Variants in MDGA2 observed in about 807,000 individuals in gnomAD.
MDGA2 encodes MAM domain-containing glycosylphosphatidylinositol anchor protein 2.
In MDGA2, 40 loss-of-function variants were observed where a neutral mutation model predicts 117.8. The observed-to-expected ratio is 0.34, with a 90% CI of 0.26 to 0.44. MDGA2 has a LOEUF of 0.44. Among genes scored for constraint, MDGA2 ranks in the 20% least tolerant of loss-of-function variants. The pLI, the probability that MDGA2 is intolerant of heterozygous loss-of-function variation, is 1.00. For missense variants in MDGA2, 1,123 were observed against 1,250.6 expected, an observed-to-expected ratio of 0.90 and a Z score of 1.54; for synonymous variants, 452 against 439.0, an observed-to-expected ratio of 1.03 and a Z score of -0.37.
chr14:47,074,501 C>T (rs1360486293), intron 6 of MDGA2, among the ~76,000 whole-genome samples: 3 of 152,102 alleles, frequency 2.0e-5, no homozygotes, highest in Admixed American at 6.5e-5. Context: ...GGGGTTTCAC[C>T]GTGTTAGCCA....
chr14:47,429,277 G>GATAT (rs35471496), intron 1 of MDGA2, among the ~76,000 whole-genome samples: 40,839 of 149,326 alleles, frequency 0.27, 5,886 homozygotes, highest in Middle Eastern at 0.42. Context: ...CAAATATGAA[G>GATAT]ATATATATAT....
At chr14:47,342,094 G>T (rs961576485) in intron 1 of MDGA2, among the ~76,000 whole-genome samples, 1 of 151,586 alleles carries the variant, frequency 6.6e-6, no homozygotes, top group East Asian at 1.9e-4. Context: ...CAAGGGATCC[G>T]CCTGCCTCAT....
At chr14:47,640,227 A>G (rs1897398949) in intron 1 of MDGA2, among the ~76,000 whole-genome samples, 2 of 152,156 alleles carry the variant, frequency 1.3e-5, no homozygotes, top group African/African-American at 4.8e-5. Flanking sequence ...TCTTGAGTCA[A>G]GGATTTGAGA....
chr14:47,662,064 T>C (rs1161771434), intron 1 of MDGA2, among the ~76,000 whole-genome samples: 1 of 152,084 alleles, frequency 6.6e-6, no homozygotes, highest in Non-Finnish European at 1.5e-5. Context: ...AAGGTAATTT[T>C]GTAAACCCAT....
intron 2 of MDGA2, among the ~76,000 whole-genome samples, chr14:47,221,782 G>A (rs1424160644): frequency 1.3e-5 from 2 of 150,956 alleles, no homozygotes; most frequent in Non-Finnish European, 3.0e-5. Context: ...AAAGAAAAAT[G>A]TATAATTTAA....
In MDGA2 at chr14:46,855,798, A is replaced by G. The variant is rs1205729557; in HGVS notation, c.2753-644T>C. On this transcript the variant is annotated intron_variant, in intron 14 of 16. Transcript: ENST00000399232. The surrounding 1 kb of genome is among the most constrained non-coding windows in gnomAD (Gnocchi z 4.1). The stretch of plus-strand genomic sequence containing the variant: ...AAATTAACATAGCATGTAATCATGT[A>G]CTGAATAACTTGCTCAGAGTTGGAC... Among the ~76,000 whole-genome samples the G allele has an allele frequency of 6.6e-6, 1 of 152,156 alleles. No homozygotes were observed. Among genetic ancestry groups the G allele is most frequent in the Non-Finnish European group, 1.5e-5 (1 of 68,018 alleles).
intron 1 of MDGA2, among the ~76,000 whole-genome samples, chr14:47,627,675 G>C (rs1486527050): frequency 6.6e-6 from 1 of 152,146 alleles, no homozygotes; most frequent in Non-Finnish European, 1.5e-5. Context: ...GATGTGGGTA[G>C]GGCCGGATAA....
At chr14:47,232,130 T>C (rs150182658) in intron 2 of MDGA2, among the ~76,000 whole-genome samples, 1 of 152,170 alleles carries the variant, frequency 6.6e-6, no homozygotes, top group Non-Finnish European at 1.5e-5. Context: ...GCTCTAAGCT[T>C]GCAGACAGAG....
At chr14:46,949,071 A>C (rs140827987) in intron 9 of MDGA2, among the ~76,000 whole-genome samples, 5 of 152,174 alleles carry the variant, frequency 3.3e-5, no homozygotes, top group African/African-American at 1.2e-4. Context: ...CAAACTGATT[A>C]GCTTATTTGA....
At chr14:47,610,369 A>T (rs1203876322) in intron 1 of MDGA2, among the ~76,000 whole-genome samples, 1 of 152,096 alleles carries the variant, frequency 6.6e-6, no homozygotes, top group African/African-American at 2.4e-5. Context: ...AGAGGAAGTC[A>T]AACTGTCACA....
Position 46,841,733 on chromosome 14 carries a change from T to A in MDGA2, c.*198A>T, listed in dbSNP as rs536632969. The A allele has an allele frequency of 4.0e-4, 161 of 397,848 alleles. No homozygotes were observed. The highest frequency in any genetic ancestry group is 6.4e-4 in the Non-Finnish European group (141 of 221,930). 24.6% of individuals were successfully genotyped at this position (397,848 alleles called of 1,614,324 possible). ...ACTCAGGTCAAGATTATCTTTTATG[T>A]TTAGTCTGGAATAAGTTATACTTCC... On this transcript the variant is annotated 3_prime_UTR_variant, in exon 17 of 17. Transcript: ENST00000399232.
intron 6 of MDGA2, among the ~76,000 whole-genome samples, chr14:47,069,976 T>C (rs920052012): frequency 2.0e-5 from 3 of 152,190 alleles, no homozygotes; most frequent in African/African-American, 7.2e-5. Context: ...ATTCCCCCTA[T>C]TTTAACTAAA....
intron 7 of MDGA2, among the ~76,000 whole-genome samples, chr14:47,052,593 C>G (rs1166235358): frequency 6.6e-6 from 1 of 151,784 alleles, no homozygotes; most frequent in Non-Finnish European, 1.5e-5. Flanking sequence ...AGAATACTCT[C>G]CATTTTTATA....
At chr14:47,097,694 T>C (rs8004939) in intron 5 of MDGA2, among the ~76,000 whole-genome samples, 16,973 of 151,982 alleles carry the variant, frequency 0.11, 1,090 homozygotes, top group Admixed American at 0.11. Context: ...TAATGCAGTG[T>C]CCATACTTCA....
At chr14:47,052,553 A>G (rs1889495425) in intron 7 of MDGA2, among the ~76,000 whole-genome samples, 1 of 151,912 alleles carries the variant, frequency 6.6e-6, no homozygotes, top group South Asian at 2.1e-4. Context: ...AAACATGTTT[A>G]ATGTTTACTG....
intron 9 of MDGA2, among the ~76,000 whole-genome samples, chr14:46,947,436 C>T (rs1025326060): frequency 6.6e-6 from 1 of 152,022 alleles, no homozygotes; most frequent in Non-Finnish European, 1.5e-5. Context: ...GCTGTCACTC[C>T]ATGAGCCACA....
chr14:47,504,969 A>AT (rs1274751793), intron 1 of MDGA2, among the ~76,000 whole-genome samples: 2 of 152,182 alleles, frequency 1.3e-5, no homozygotes, highest in East Asian at 3.9e-4. Flanking sequence ...AAATTAATGG[A>AT]TAAAAAAAAT....
intron 3 of MDGA2, among the ~76,000 whole-genome samples, chr14:47,157,510 T>A (rs1251436737): frequency 6.6e-6 from 1 of 152,180 alleles, no homozygotes; most frequent in East Asian, 1.9e-4. Context: ...AGGATTTTTC[T>A]TTTACCTCTT....
At chr14:47,627,727 C>T (rs1467884654) in intron 1 of MDGA2, among the ~76,000 whole-genome samples, 1 of 152,168 alleles carries the variant, frequency 6.6e-6, no homozygotes, top group East Asian at 1.9e-4. Flanking sequence ...TGGCAACCCG[C>T]TGGGGTCCCC....
Sources: allele counts gnomAD v4.1 joint callset (sites outside exome capture counted in the v4.1 genomes callset), GRCh38; gene constraint gnomAD v4.1.1; non-coding constraint Gnocchi (gnomAD v3.1); transcripts MANE v1.5; gene names NCBI Gene and HGNC (gene_info 2026-07-23, HGNC 2026-07-21).